The following SFXN5 variants were observed in gnomAD, a reference collection of about 807,000 sequenced individuals.
SFXN5 encodes the protein sideroflexin-5.
SFXN5 carries 43 observed loss-of-function variants against 50.2 expected under a neutral mutation model. The observed-to-expected ratio is 0.86, with a 90% CI of 0.67 to 1.11. The LOEUF (loss-of-function observed/expected upper bound fraction) is 1.11, where lower values mean the gene tolerates loss of function less well. Ranked by LOEUF, SFXN5 falls within the 50% of genes least tolerant of loss-of-function variation. The pLI, the probability that SFXN5 is intolerant of heterozygous loss-of-function variation, is 0.00. For synonymous variants in SFXN5, 203 were observed against 185.8 expected (o/e 1.09, Z -0.75); for missense variants, 463 against 454.1 (o/e 1.02, Z -0.18).
intron 3 of SFXN5, among the ~76,000 whole-genome samples, chr2:73,035,360 TG>T (rs2105901125): frequency 6.6e-6 from 1 of 152,312 alleles, no homozygotes; most frequent in East Asian, 1.9e-4. Context: ...ACCATGGTTT[TG>T]TTTTTTTAAC....
At chr2:73,029,505 G>T (rs994392054) in intron 3 of SFXN5, among the ~76,000 whole-genome samples, 5 of 152,080 alleles carry the variant, frequency 3.3e-5, no homozygotes, top group African/African-American at 4.8e-5. Flanking sequence ...TGCCTGGGAG[G>T]TAGACAGATG....
intron 6 of SFXN5, among the ~76,000 whole-genome samples, chr2:73,009,437 G>T (rs1382842073): frequency 6.6e-6 from 1 of 152,194 alleles, no homozygotes; most frequent in Non-Finnish European, 1.5e-5. Flanking sequence ...GGAGGCCCAG[G>T]TTCTTCAAAT....
intron 9 of SFXN5, chr2:72,998,188 G>T (rs1673472582): frequency 6.6e-6 from 1 of 152,176 alleles, no homozygotes; most frequent in Non-Finnish European, 1.5e-5. Context: ...GGCTATAGAA[G>T]GCCATCCTAG....
chr2:73,031,112 C>T (rs1409612331), intron 3 of SFXN5, among the ~76,000 whole-genome samples: 3 of 152,220 alleles, frequency 2.0e-5, no homozygotes, highest in Non-Finnish European at 4.4e-5. Context: ...CCAATAAAAT[C>T]CATGTCCTAT....
chr2:72,966,255 A>G (rs544209612), intron 12 of SFXN5, among the ~76,000 whole-genome samples: 1 of 152,272 alleles, frequency 6.6e-6, no homozygotes, highest in Non-Finnish European at 1.5e-5. Context: ...CGAGTGTTCT[A>G]CCTCACTGGA....
At chr2:73,004,927 A>G (rs980336527) in intron 6 of SFXN5, among the ~76,000 whole-genome samples, 1 of 152,220 alleles carries the variant, frequency 6.6e-6, no homozygotes, top group Non-Finnish European at 1.5e-5. Context: ...TCTCAGATGT[A>G]TATCTCTGGT....
intron 1 of SFXN5, among the ~76,000 whole-genome samples, chr2:73,068,843 G>C (rs190256746): frequency 6.6e-6 from 1 of 151,902 alleles, no homozygotes; most frequent in Admixed American, 6.6e-5. Flanking sequence ...TCCAACCTGG[G>C]AGTGCAGGAG....
chr2:72,995,408 G>A (rs1673100607), intron 9 of SFXN5, among the ~76,000 whole-genome samples: 1 of 152,210 alleles, frequency 6.6e-6, no homozygotes, highest in Non-Finnish European at 1.5e-5. Context: ...ATCCCACCCT[G>A]GTGGTCCTGC....
chr2:72,946,353 A>G (rs142885636), intron 13 of SFXN5, among the ~76,000 whole-genome samples: 2,247 of 152,216 alleles, frequency 0.015, 24 homozygotes, highest in Middle Eastern at 0.054. Context: ...TTCAACCCAC[A>G]GTAAATCTGG....
chr2:72,957,430 A>G (rs1428634632), intron 13 of SFXN5, among the ~76,000 whole-genome samples: 1 of 152,234 alleles, frequency 6.6e-6, no homozygotes, highest in African/African-American at 2.4e-5. Flanking sequence ...TGAAGGAAGG[A>G]TTGAAGTCCT....
chr2:73,071,579 C>G, intron 1 of SFXN5, 25 bp downstream of exon 1: 2 of 1,607,758 alleles, frequency 1.2e-6, no homozygotes, highest in Non-Finnish European at 1.7e-6. Flanking sequence ...ACCCGCCGGC[C>G]CGCAGACCAC....
In SFXN5 at chr2:72,970,202, CTG is replaced by C. The variant is rs546207440; in HGVS notation, c.741+1366_741+1367del. Among the ~76,000 whole-genome samples, 335 of 152,286 alleles carry C rather than the reference CTG, an allele frequency of 2.2e-3. 1 individual carries two copies. Among genetic ancestry groups the C allele is most frequent in the Admixed American group, 4.1e-3 (63 of 15,288 alleles). On this transcript the variant is annotated intron_variant, in intron 11 of 13. Transcript: ENST00000272433. The stretch of plus-strand genomic sequence containing the variant: ...TGGGAGGTTGGGGACAGGTAGGAAA[CTG>C]AGACTAAATCCCCTCTCATGATGGG...
chr2:73,028,905 T>C (rs1041118158), intron 3 of SFXN5, among the ~76,000 whole-genome samples: 8 of 152,216 alleles, frequency 5.3e-5, no homozygotes, highest in Non-Finnish European at 1.2e-4. Flanking sequence ...GCTCTGTCGC[T>C]TACTCCATGT....
At chr2:72,984,681 G>A (rs746645225) in intron 10 of SFXN5, among the ~76,000 whole-genome samples, 7 of 152,244 alleles carry the variant, frequency 4.6e-5, no homozygotes, top group Non-Finnish European at 7.3e-5. Flanking sequence ...TATGAGGGGA[G>A]CCGTGCAGCC....
chr2:72,958,701 C>T (rs1248962811), intron 13 of SFXN5, among the ~76,000 whole-genome samples: 1 of 5,718 alleles, frequency 1.7e-4, no homozygotes, highest in South Asian at 3.4e-3. Flanking sequence ...CTGAGAAATA[C>T]CCGCCTTCCC....
intron 2 of SFXN5, among the ~76,000 whole-genome samples, chr2:73,052,337 A>AGT (rs1405781909): frequency 4.0e-5 from 5 of 123,914 alleles, no homozygotes; most frequent in African/African-American, 1.6e-4. Context: ...TGTAAGAGAG[A>AGT]GAGTGTGTGT....
chr2:72,968,413 A>G, intron 12 of SFXN5, 35 bp downstream of exon 12: 3 of 1,225,448 alleles, frequency 2.4e-6, no homozygotes, highest in Non-Finnish European at 3.3e-6. Flanking sequence ...CTCCTCCCCC[A>G]TGGTGGCCTC....
At chr2:73,024,654 C>T (rs976033142) in intron 3 of SFXN5, among the ~76,000 whole-genome samples, 2 of 149,058 alleles carry the variant, frequency 1.3e-5, no homozygotes, top group Non-Finnish European at 3.0e-5. Context: ...AACCTGTCTC[C>T]AAAAAAGAAA....
intron 1 of SFXN5, 97 bp downstream of exon 1, chr2:73,071,507 G>A (rs1446064288): frequency 1.8e-6 from 2 of 1,138,738 alleles, no homozygotes; most frequent in Non-Finnish European, 2.5e-6. Flanking sequence ...CGCTGGCCGC[G>A]GGTGGGAGAC....
Sources: allele counts gnomAD v4.1 joint callset (sites outside exome capture counted in the v4.1 genomes callset), GRCh38; gene constraint gnomAD v4.1.1; transcripts MANE v1.5; gene names NCBI Gene and HGNC (gene_info 2026-07-23, HGNC 2026-07-21).